PAPPA: variants seen among roughly 807,000 people sequenced by gnomAD.
PAPPA encodes the protein pappalysin 1.
Under a neutral mutation model 164.0 loss-of-function variants are expected in PAPPA, and 60 were observed. That is an observed-to-expected ratio of 0.37 (90% CI 0.30 to 0.45). The LOEUF (loss-of-function observed/expected upper bound fraction) is 0.45. Among genes scored for constraint, PAPPA ranks in the 20% least tolerant of loss-of-function variants. PAPPA has a pLI of 1.00. For missense variants in PAPPA, 1,782 were observed against 2,087.3 expected (o/e 0.85, Z 2.85); for synonymous variants, 875 against 814.1 (o/e 1.07, Z -1.27).
At chr9:116,242,769 G>C (rs541044265) in intron 7 of PAPPA, among the ~76,000 whole-genome samples, 2 of 152,264 alleles carry the variant, frequency 1.3e-5, no homozygotes, top group South Asian at 4.1e-4. Context: ...AGGTGAACTA[G>C]CTTCCACCCC....
At chr9:116,215,735 A>G (rs894184466) in intron 4 of PAPPA, among the ~76,000 whole-genome samples, 3 of 152,344 alleles carry the variant, frequency 2.0e-5, no homozygotes, top group Non-Finnish European at 4.4e-5. Context: ...TGTACTCCTG[A>G]ACTTAAAATG....
intron 3 of PAPPA, among the ~76,000 whole-genome samples, chr9:116,209,058 C>T (rs1355012077): frequency 2.0e-5 from 3 of 152,010 alleles, no homozygotes; most frequent in East Asian, 3.9e-4. Context: ...AAGAATTATA[C>T]AGACTAAAAA....
chr9:116,294,522 A>G (rs1564214043), intron 9 of PAPPA, among the ~76,000 whole-genome samples: 1 of 152,234 alleles, frequency 6.6e-6, no homozygotes, highest in Non-Finnish European at 1.5e-5. Flanking sequence ...GATAGGCTAT[A>G]TAAAGTCAAG....
intron 3 of PAPPA, among the ~76,000 whole-genome samples, chr9:116,208,922 T>A (rs987821167): frequency 6.6e-6 from 1 of 152,122 alleles, no homozygotes; most frequent in East Asian, 1.9e-4. Flanking sequence ...CTGGGAGGAT[T>A]TTATGCCCCA....
intron 21 of PAPPA, among the ~76,000 whole-genome samples, chr9:116,391,438 T>C (rs1588033394): frequency 6.6e-6 from 1 of 152,184 alleles, no homozygotes; most frequent in African/African-American, 2.4e-5. Context: ...ACAACATGAC[T>C]GTTGTCCCTC....
At chr9:116,263,599 G>A (rs768597136) in intron 7 of PAPPA, among the ~76,000 whole-genome samples, 30 of 152,108 alleles carry the variant, frequency 2.0e-4, no homozygotes, top group Non-Finnish European at 4.1e-4. Context: ...GCCCATATGT[G>A]CTTTATAATT....
At chr9:116,213,571 C>A (rs1844335262) in intron 4 of PAPPA, among the ~76,000 whole-genome samples, 1 of 152,136 alleles carries the variant, frequency 6.6e-6, no homozygotes, top group Admixed American at 6.6e-5. Context: ...GCCAGCTCAA[C>A]ACACATGGAA....
intron 21 of PAPPA, among the ~76,000 whole-genome samples, chr9:116,391,689 A>G (rs533532069): frequency 6.6e-6 from 1 of 152,228 alleles, no homozygotes; most frequent in Non-Finnish European, 1.5e-5. Flanking sequence ...TAAAAACAGG[A>G]GAGAATCCTG....
At chr9:116,297,571 T>C (rs1298615550) in intron 9 of PAPPA, among the ~76,000 whole-genome samples, 1 of 152,246 alleles carries the variant, frequency 6.6e-6, no homozygotes, top group Non-Finnish European at 1.5e-5. Context: ...GCTAAGTTAA[T>C]TATTGTCCAC....
intron 7 of PAPPA, among the ~76,000 whole-genome samples, chr9:116,256,513 G>T (rs557176034): frequency 4.0e-4 from 61 of 151,798 alleles, no homozygotes; most frequent in Non-Finnish European, 8.1e-4. Flanking sequence ...TTGCTGAAAG[G>T]TTAAAGGTAA....
Position 116,327,891 on chromosome 9 carries a change from C to A in PAPPA, c.3148-3353C>A, listed in dbSNP as rs545573714. Reference sequence around the variant, plus strand: ...TCAACTAGGGCTTTGGGCAAAGTTTCAGCTGGATTTGTTCATTCTTCTCTG... The same window carrying A: ...TCAACTAGGGCTTTGGGCAAAGTTTAAGCTGGATTTGTTCATTCTTCTCTG... On this transcript the variant is annotated intron_variant, in intron 10 of 21. Transcript: ENST00000328252. 1.1e-4 allele frequency among the ~76,000 whole-genome samples: 16 copies of A among 152,342 alleles called. No homozygotes were observed. The South Asian group carries it at 2.9e-3, about 28-fold the overall frequency.
At chr9:116,372,380 ATC>A (rs543283949) in intron 19 of PAPPA, among the ~76,000 whole-genome samples, 24 of 152,178 alleles carry the variant, frequency 1.6e-4, no homozygotes, top group Non-Finnish European at 2.9e-4. Context: ...AAAATTTGAA[ATC>A]TCTTTCTTTT....
intron 10 of PAPPA, among the ~76,000 whole-genome samples, chr9:116,330,701 T>C (rs1845980095): frequency 6.6e-6 from 1 of 152,148 alleles, no homozygotes; most frequent in Non-Finnish European, 1.5e-5. Flanking sequence ...GTTTTCAGTC[T>C]TTTCTCTGTT....
chr9:116,212,322 T>C (rs1405437628), intron 4 of PAPPA, among the ~76,000 whole-genome samples: 1 of 152,210 alleles, frequency 6.6e-6, no homozygotes, highest in African/African-American at 2.4e-5. Flanking sequence ...GTATGATTTT[T>C]TTTTTCCTAA....
chr9:116,162,789 C>T (rs1843683280), intron 1 of PAPPA, among the ~76,000 whole-genome samples: 1 of 152,214 alleles, frequency 6.6e-6, no homozygotes, highest in Non-Finnish European at 1.5e-5. Flanking sequence ...ATCTCAATAA[C>T]TCTAGGAGTT....
chr9:116,231,428 A>G (rs1215498416), intron 6 of PAPPA, among the ~76,000 whole-genome samples: 1 of 151,680 alleles, frequency 6.6e-6, no homozygotes, highest in East Asian at 1.9e-4. Context: ...TCAATCTCCC[A>G]GCTGTGTTCA....
intron 4 of PAPPA, among the ~76,000 whole-genome samples, chr9:116,219,547 T>C (rs980689313): frequency 1.3e-5 from 2 of 151,900 alleles, no homozygotes; most frequent in African/African-American, 4.8e-5. Context: ...ATGAGAGATA[T>C]TGAGTGGGGG....
At chr9:116,342,916 A>C (rs576731387) in intron 13 of PAPPA, among the ~76,000 whole-genome samples, 3 of 152,326 alleles carry the variant, frequency 2.0e-5, no homozygotes, top group South Asian at 4.1e-4. Context: ...ATTGCAAGGC[A>C]TCATCACCAT....
intron 1 of PAPPA, among the ~76,000 whole-genome samples, chr9:116,172,495 A>C (rs1412796404): frequency 6.6e-6 from 1 of 152,240 alleles, no homozygotes; most frequent in Non-Finnish European, 1.5e-5. Context: ...TGTGATGATC[A>C]AAAACGTCTG....
Sources: allele counts gnomAD v4.1 joint callset (sites outside exome capture counted in the v4.1 genomes callset), GRCh38; gene constraint gnomAD v4.1.1; transcripts MANE v1.5; gene names NCBI Gene and HGNC (gene_info 2026-07-23, HGNC 2026-07-21).